KHDRBS2: variants seen among roughly 807,000 people sequenced by gnomAD.
The protein encoded by KHDRBS2 is KH domain-containing, RNA-binding, signal transduction-associated protein 2.
A neutral mutation model predicts 44.3 loss-of-function variants in KHDRBS2; 26 were observed. The ratio of observed to expected loss-of-function variants is 0.59; its 90% confidence interval spans 0.43 to 0.81. The LOEUF is 0.81. Among genes scored for constraint, KHDRBS2 ranks in the 40% least tolerant of loss-of-function variants. The pLI is 0.00. For missense variants in KHDRBS2, 476 were observed against 433.1 expected, an observed-to-expected ratio of 1.10 and a Z score of -0.88; for synonymous variants, 194 against 151.1, an observed-to-expected ratio of 1.28 and a Z score of -2.08.
intron 1 of KHDRBS2, among the ~76,000 whole-genome samples, chr6:62,185,678 A>C (rs766489364): frequency 8.6e-5 from 13 of 151,996 alleles, no homozygotes; most frequent in Non-Finnish European, 1.6e-4. Context: ...ATTAATCATA[A>C]GATAGTTAAC....
chr6:61,572,561 A>G, the KHDRBS2 span, among the ~76,000 whole-genome samples: 1 of 152,192 alleles, frequency 6.6e-6, no homozygotes, highest in African/African-American at 2.4e-5. Flanking sequence ...TACAGATGCA[A>G]AAATCCTCAC....
intron 1 of KHDRBS2, among the ~76,000 whole-genome samples, chr6:62,190,572 C>T (rs774379407): frequency 2.0e-5 from 3 of 152,012 alleles, no homozygotes; most frequent in African/African-American, 4.8e-5. Context: ...ACACATCTAC[C>T]ATCTTTCATC....
At chr6:61,727,404 T>C (rs1245913929) in intron 7 of KHDRBS2, among the ~76,000 whole-genome samples, 2 of 152,138 alleles carry the variant, frequency 1.3e-5, no homozygotes, top group Admixed American at 1.3e-4. Context: ...CAAAAGCAAT[T>C]GCAACAATGG....
intron 5 of KHDRBS2, among the ~76,000 whole-genome samples, chr6:61,896,081 A>G (rs765793058): frequency 9.2e-5 from 14 of 152,164 alleles, no homozygotes; most frequent in Admixed American, 2.6e-4. Context: ...GCTGGCTGCA[A>G]GTACAACATG....
At position 62,183,062 on chromosome 6, in the gene KHDRBS2, G is replaced by A. The variant is rs534863568; in HGVS notation, c.92-5750C>T. ...TTCCCACACACTTCTAGTATTTATC[G>A]GACCTCAAAATAGAATTTGCTTAAG... On this transcript the variant is annotated intron_variant, in intron 1 of 8. Coordinates refer to ENST00000281156, the MANE Select transcript of KHDRBS2 (RefSeq NM_152688.4). Among the ~76,000 whole-genome samples, 669 of 151,590 alleles carry A rather than the reference G, an allele frequency of 4.4e-3. 9 individuals are homozygous for A. Among genetic ancestry groups the A allele is most frequent in the African/African-American group, 0.015 (636 of 41,398 alleles).
At chr6:61,866,915 G>A (rs1309411199) in intron 6 of KHDRBS2, among the ~76,000 whole-genome samples, 2 of 152,040 alleles carry the variant, frequency 1.3e-5, no homozygotes, top group Non-Finnish European at 1.5e-5. Context: ...CTTTATTGTC[G>A]ATATCGCTAT....
chr6:62,222,390 C>T (rs28556972), intron 1 of KHDRBS2, among the ~76,000 whole-genome samples: 18 of 152,090 alleles, frequency 1.2e-4, no homozygotes, highest in East Asian at 3.9e-4. Flanking sequence ...AAAATCATGG[C>T]GGGAGGTGAA....
At chr6:62,174,408 G>A (rs539360875) in intron 2 of KHDRBS2, among the ~76,000 whole-genome samples, 97 of 151,328 alleles carry the variant, frequency 6.4e-4, no homozygotes, top group Middle Eastern at 3.4e-3. Context: ...AGCCAAATAC[G>A]AAAAACTGCT....
intron 2 of KHDRBS2, among the ~76,000 whole-genome samples, chr6:62,102,492 T>G (rs1277649501): frequency 1.3e-5 from 2 of 152,048 alleles, no homozygotes; most frequent in Non-Finnish European, 2.9e-5. Context: ...AGCCCCGAGG[T>G]CTCGGCCCCA....
intron 6 of KHDRBS2, among the ~76,000 whole-genome samples, chr6:61,891,859 C>G (rs1801905132): frequency 6.6e-6 from 1 of 152,278 alleles, no homozygotes; most frequent in African/African-American, 2.4e-5. Flanking sequence ...GATGCCCTCT[C>G]TCACCACTCC....
At chr6:61,972,401 A>G (rs1488677493) in intron 4 of KHDRBS2, among the ~76,000 whole-genome samples, 1 of 152,192 alleles carries the variant, frequency 6.6e-6, no homozygotes, top group Admixed American at 6.5e-5. Flanking sequence ...AAATCAGACT[A>G]TTATCATAGT....
rs368530889 is a variant in KHDRBS2 at position 61,867,472 on chromosome 6, C to T, written c.810+27163G>A. Among the ~76,000 whole-genome samples, 4 of 152,280 alleles carry T rather than the reference C, an allele frequency of 2.6e-5. No homozygotes were observed. The East Asian group carries it at 7.7e-4, about 29-fold the overall frequency. ...CTTCTGTCATTTCAGCTGTCTCAGC[C>T]TCAGCCCAGTTCTGAACTCTTGCTA... On this transcript the variant is annotated intron_variant, in intron 6 of 8. Coordinates refer to ENST00000281156, the MANE Select transcript of KHDRBS2 (RefSeq NM_152688.4).
intron 4 of KHDRBS2, among the ~76,000 whole-genome samples, chr6:61,921,357 A>G (rs751907343): frequency 3.9e-5 from 6 of 151,938 alleles, no homozygotes; most frequent in Non-Finnish European, 7.4e-5. Flanking sequence ...ACAGGAGATT[A>G]TATTAACTCC....
chr6:61,880,358 G>A (rs879432647), intron 6 of KHDRBS2, among the ~76,000 whole-genome samples: 28 of 151,896 alleles, frequency 1.8e-4, no homozygotes, highest in Non-Finnish European at 3.5e-4. Flanking sequence ...TTGCATTCTG[G>A]AAGGGAGAGG....
the KHDRBS2 span, among the ~76,000 whole-genome samples, chr6:61,581,780 A>C: frequency 2.6e-5 from 4 of 151,400 alleles, no homozygotes; most frequent in African/African-American, 4.8e-5. Flanking sequence ...AAAATGGAGA[A>C]TCTGAATAAC....
At chr6:62,244,908 C>A (rs1216049880) in intron 1 of KHDRBS2, among the ~76,000 whole-genome samples, 1 of 152,082 alleles carries the variant, frequency 6.6e-6, no homozygotes, top group Non-Finnish European at 1.5e-5. Context: ...CTGGACTTCA[C>A]AACCTCAGGG....
At chr6:61,721,611 A>AT (rs1772563524) in intron 7 of KHDRBS2, among the ~76,000 whole-genome samples, 1 of 128,782 alleles carries the variant, frequency 7.8e-6, no homozygotes, top group Non-Finnish European at 1.8e-5. Context: ...AATGCTTGTG[A>AT]TTTTTATACA....
At chr6:61,598,994 C>T in the KHDRBS2 span, among the ~76,000 whole-genome samples, 34 of 151,836 alleles carry the variant, frequency 2.2e-4, no homozygotes, top group African/African-American at 3.4e-4. Flanking sequence ...AGTGCAATGG[C>T]GTGATCTTGG....
At chr6:62,089,026 G>A (rs958191146) in intron 2 of KHDRBS2, among the ~76,000 whole-genome samples, 1 of 152,040 alleles carries the variant, frequency 6.6e-6, no homozygotes, top group African/African-American at 2.4e-5. Context: ...ACTGTGAGGG[G>A]AAAACCACCT....
Sources: gnomAD v4.1 joint callset for allele counts (sites outside exome capture counted in the v4.1 genomes callset) on GRCh38, gnomAD v4.1.1 for gene constraint, MANE v1.5 for transcripts, NCBI Gene and HGNC (gene_info 2026-07-23, HGNC 2026-07-21) for gene names.